MMP16: variants seen among roughly 807,000 people sequenced by gnomAD.
The protein encoded by MMP16 is matrix metalloproteinase-16.
Under a neutral mutation model 67.8 loss-of-function variants are expected in MMP16, and 12 were observed. That is an observed-to-expected ratio of 0.18 (90% CI 0.11 to 0.29). The LOEUF (loss-of-function observed/expected upper bound fraction) is 0.29, where lower values mean the gene tolerates loss of function less well. Among genes scored for constraint, MMP16 ranks in the 10% least tolerant of loss-of-function variants. The probability of loss-of-function intolerance (pLI) is 1.00; values close to 1 mark genes in which losing one functional copy is unlikely to be tolerated. For missense variants in MMP16, 475 were observed against 765.7 expected (o/e 0.62, Z 4.48); for synonymous variants, 249 against 255.9 (o/e 0.97, Z 0.26).
At chr8:88,092,375 A>C (rs1808952513) in intron 6 of MMP16, among the ~76,000 whole-genome samples, 1 of 151,908 alleles carries the variant, frequency 6.6e-6, no homozygotes, top group Non-Finnish European at 1.5e-5. Flanking sequence ...TCACCACTTC[A>C]GAAAAGATCC....
Position 88,118,793 on chromosome 8 carries a change from G to A in MMP16, c.778C>T (p.Pro260Ser). The change falls in exon 5 of 10, where the codon CCC becomes TCC. Residue 260 changes from proline to serine, a missense_variant. By Grantham distance (74) the Pro-to-Ser change is moderately conservative. This residue lies in a region of MMP16 where 195 missense variants were observed against 300.9 expected (regional missense o/e 0.65). Transcript: ENST00000286614. ...HALGLEHSND[P>S]TAIMAPFYQY... The stretch of plus-strand genomic sequence containing the variant: ...TAAAATGGAGCCATGATGGCAGTGG[G>A]GTCATTGGAATGCTCCAATCCCAGA... The A allele has an allele frequency of 6.2e-7, 1 of 1,613,150 alleles. No individual in the cohort carries two copies. The highest frequency in any genetic ancestry group is 8.5e-7 in the Non-Finnish European group (1 of 1,179,422).
chr8:88,300,175 TC>T (rs753768099), intron 1 of MMP16, among the ~76,000 whole-genome samples: 1 of 152,196 alleles, frequency 6.6e-6, no homozygotes, highest in Non-Finnish European at 1.5e-5. Flanking sequence ...ATGCATTCTA[TC>T]AGGGGAAACT....
chr8:88,182,278 T>C (rs1377666177), intron 3 of MMP16, among the ~76,000 whole-genome samples: 2 of 151,980 alleles, frequency 1.3e-5, no homozygotes, highest in Non-Finnish European at 2.9e-5. Flanking sequence ...ATACACAATA[T>C]ACAGAAAATC....
Position 88,215,107 on chromosome 8 carries a change from C to T in MMP16, c.133-17801G>A, listed in dbSNP as rs143732177. Among the ~76,000 whole-genome samples the T allele has an allele frequency of 5.6e-3, 847 of 152,144 alleles. 12 individuals are homozygous for T. The highest frequency in any genetic ancestry group is 0.018 in the African/African-American group (747 of 41,506). ...CACTTTGGGAGGCCAAGGTGGATCA[C>T]GAGGTCAGGGGTTCAAGAGCAGCCT... On this transcript the variant is annotated intron_variant, in intron 1 of 9. Transcript: ENST00000286614.
chr8:88,079,735 T>G (rs1027400156), intron 6 of MMP16, among the ~76,000 whole-genome samples: 10 of 152,124 alleles, frequency 6.6e-5, no homozygotes, highest in Non-Finnish European at 1.2e-4. Flanking sequence ...TGGGAATGAT[T>G]ATGTCTGGAA....
chr8:88,168,031 GT>G, intron 3 of MMP16, 58 bp from the exon 4 acceptor site: 1 of 1,333,586 alleles, frequency 7.5e-7, no homozygotes, highest in Non-Finnish European at 1.0e-6. Flanking sequence ...CTTAGTACAG[GT>G]TTTGATCGAT....
intron 1 of MMP16, among the ~76,000 whole-genome samples, chr8:88,253,729 A>G (rs1177496519): frequency 6.6e-6 from 1 of 152,054 alleles, no homozygotes; most frequent in African/African-American, 2.4e-5. Context: ...CTGATATAGC[A>G]ATCAGTTCTT....
At chr8:88,053,532 T>C (rs775723282) in intron 8 of MMP16, among the ~76,000 whole-genome samples, 3 of 152,134 alleles carry the variant, frequency 2.0e-5, no homozygotes, top group Admixed American at 1.3e-4. Flanking sequence ...CTTAGAGAAA[T>C]AGAAAACTGC....
intron 2 of MMP16, among the ~76,000 whole-genome samples, chr8:88,196,725 G>A (rs1177179713): frequency 6.6e-6 from 1 of 152,012 alleles, no homozygotes; most frequent in African/African-American, 2.4e-5. Context: ...GCCCTAATTT[G>A]TGTTGTTTCC....
chr8:88,179,538 A>G (rs1036161812), intron 3 of MMP16, among the ~76,000 whole-genome samples: 6 of 152,150 alleles, frequency 3.9e-5, no homozygotes, highest in African/African-American at 1.4e-4. Context: ...TAGGGAAGGA[A>G]TAAATGAAAG....
intron 1 of MMP16, among the ~76,000 whole-genome samples, chr8:88,250,241 C>T (rs1283614175): frequency 6.6e-6 from 1 of 152,032 alleles, no homozygotes. Flanking sequence ...ATCATAAACA[C>T]TTAATAGCTC....
At chr8:88,172,671 C>CTTTT (rs932699092) in intron 3 of MMP16, among the ~76,000 whole-genome samples, 1 of 152,024 alleles carries the variant, frequency 6.6e-6, no homozygotes, top group Non-Finnish European at 1.5e-5. Flanking sequence ...CTGGCCCTTT[C>CTTTT]TTTTTGTGAA....
intron 1 of MMP16, among the ~76,000 whole-genome samples, chr8:88,262,846 CAAAAAAAAAAAAAAA>C (rs71277991): frequency 3.7e-4 from 20 of 53,470 alleles, no homozygotes; most frequent in African/African-American, 1.1e-3. Context: ...ACTAAAAATA[CAAAAAAAAAAAAAAA>C]AAAAAAAAAA....
intron 1 of MMP16, among the ~76,000 whole-genome samples, chr8:88,306,000 T>A (rs1183265684): frequency 6.7e-6 from 1 of 148,976 alleles, no homozygotes; most frequent in African/African-American, 2.5e-5. Context: ...ACCCAGGAGG[T>A]GTTTTTTTTT....
chr8:88,124,572 C>T (rs1310312138), intron 4 of MMP16, among the ~76,000 whole-genome samples: 3 of 151,946 alleles, frequency 2.0e-5, no homozygotes, highest in Non-Finnish European at 2.9e-5. Context: ...TCCTAGGAGA[C>T]GATGGCCACC....
intron 1 of MMP16, among the ~76,000 whole-genome samples, chr8:88,304,090 T>C (rs1176340844): frequency 6.6e-6 from 1 of 152,130 alleles, no homozygotes; most frequent in Non-Finnish European, 1.5e-5. Flanking sequence ...TAGCCAGTTT[T>C]GAGAGGAACA....
chr8:88,170,595 C>G (rs1808783890), intron 3 of MMP16, among the ~76,000 whole-genome samples: 1 of 152,006 alleles, frequency 6.6e-6, no homozygotes, highest in Non-Finnish European at 1.5e-5. Flanking sequence ...CAGCTGTGGG[C>G]AAGACTCTGC....
At position 88,186,530 on chromosome 8, in the gene MMP16, C is replaced by T. The variant is rs757895279; in HGVS notation, c.350G>A (p.Arg117Gln). The change falls in exon 3 of 10, where the codon CGA becomes CAA. Residue 117 changes from arginine (R) to glutamine (Q), a missense_variant. By Grantham distance (43) the Arg-to-Gln change is conservative. Around this residue, in one of 5 missense-constraint regions of MMP16, gnomAD observed 170 missense variants for 239.6 expected, o/e 0.71. Coordinates refer to ENST00000286614, the MANE Select transcript of MMP16 (RefSeq NM_005941.5). ...CTGTCCTGTCAATGCATATCGCTTTCGACGAATATGAAATTTGGAGCTACC... is the reference window on the plus strand; with the variant it reads ...CTGTCCTGTCAATGCATATCGCTTTTGACGAATATGAAATTTGGAGCTACC... ...TRGSSKFHIR[R>Q]KRYALTGQKW... 2.1e-5 allele frequency: 34 copies of T among 1,592,476 alleles called. No individual in the cohort carries two copies. The highest frequency in any genetic ancestry group is 4.4e-5 in the South Asian group (4 of 90,576).
chr8:88,095,186 T>A (rs891577273), intron 6 of MMP16, among the ~76,000 whole-genome samples: 4 of 151,868 alleles, frequency 2.6e-5, no homozygotes, highest in African/African-American at 7.2e-5. Context: ...ACTTTTTTTT[T>A]TAAACCATCT....
Sources: allele counts gnomAD v4.1 joint callset (sites outside exome capture counted in the v4.1 genomes callset), GRCh38; gene constraint gnomAD v4.1.1; regional missense constraint gnomAD v4.1.1; transcripts MANE v1.5; gene names NCBI Gene and HGNC (gene_info 2026-07-23, HGNC 2026-07-21).